SMC5: variants seen among roughly 807,000 people sequenced by gnomAD.
The protein encoded by SMC5 is structural maintenance of chromosomes 5, also known as structural maintenance of chromosomes protein 5.
Under a neutral mutation model 148.3 loss-of-function variants are expected in SMC5, and 88 were observed. The ratio of observed to expected loss-of-function variants is 0.59; its 90% CI spans 0.50 to 0.71. The LOEUF is 0.71. Ranked by LOEUF, SMC5 falls within the 30% of genes least tolerant of loss-of-function variation. SMC5 has a pLI of 0.00. For synonymous variants in SMC5, 421 were observed against 432.8 expected (o/e 0.97, Z 0.34); for missense variants, 1,142 against 1,298.9 (o/e 0.88, Z 1.86).
intron 8 of SMC5, among the ~76,000 whole-genome samples, chr9:70,287,682 T>A (rs117096084): frequency 6.6e-6 from 1 of 152,316 alleles, no homozygotes; most frequent in East Asian, 1.9e-4. Flanking sequence ...TAACCACAAA[T>A]GTTCACAGAA....
At chr9:70,331,858 G>A (rs2036227605) in intron 17 of SMC5, among the ~76,000 whole-genome samples, 1 of 152,098 alleles carries the variant, frequency 6.6e-6, no homozygotes, top group African/African-American at 2.4e-5. Flanking sequence ...TGGACAACAG[G>A]CAGCACAGGA....
chr9:70,291,979 A>G (rs2035075275), intron 8 of SMC5, among the ~76,000 whole-genome samples: 1 of 152,164 alleles, frequency 6.6e-6, no homozygotes, highest in Non-Finnish European at 1.5e-5. Context: ...CAATGGGTTT[A>G]GGAATGAAGC....
chr9:70,305,446 A>T (rs1275390038), intron 11 of SMC5, 86 bp downstream of exon 11: 2 of 778,820 alleles, frequency 2.6e-6, no homozygotes, highest in Middle Eastern at 2.3e-4. Flanking sequence ...GCAAAATGTG[A>T]TAGCTAATTT....
chr9:70,343,147 C>CT (rs11438728), intron 17 of SMC5, among the ~76,000 whole-genome samples: 29,777 of 141,448 alleles, frequency 0.21, 3,009 homozygotes, highest in African/African-American at 0.25. Flanking sequence ...CTTTCAGTCT[C>CT]TTTTTTTTTT....
chr9:70,333,464 C>T (rs1438860400), intron 17 of SMC5, among the ~76,000 whole-genome samples: 1 of 152,054 alleles, frequency 6.6e-6, no homozygotes, highest in Non-Finnish European at 1.5e-5. Flanking sequence ...GGGGATAAAA[C>T]CCTGTCATTA....
intron 8 of SMC5, among the ~76,000 whole-genome samples, chr9:70,293,916 A>G (rs1385285599): frequency 2.0e-5 from 3 of 152,172 alleles, no homozygotes; most frequent in African/African-American, 7.2e-5. Flanking sequence ...GTAATTAATA[A>G]AAGTTGACTT....
chr9:70,337,736 G>T (rs1189955473), intron 17 of SMC5, among the ~76,000 whole-genome samples: 1 of 151,820 alleles, frequency 6.6e-6, no homozygotes, highest in Non-Finnish European at 1.5e-5. Context: ...GATTACAGGT[G>T]TGAGCCACTA....
intron 17 of SMC5, among the ~76,000 whole-genome samples, chr9:70,333,205 G>A (rs567011688): frequency 6.6e-6 from 1 of 152,334 alleles, no homozygotes; most frequent in African/African-American, 2.4e-5. Context: ...TAGCAAGATT[G>A]TAGGAGATAA....
At chr9:70,348,071 G>A in intron 22 of SMC5, 33 bp downstream of exon 22, 4 of 1,480,954 alleles carry the variant, frequency 2.7e-6, no homozygotes, top group African/African-American at 1.5e-5. Context: ...TAATATTTCT[G>A]GCAAATAATT....
In SMC5 at chr9:70,258,991, G is replaced by T; in HGVS notation, c.-88G>T. The T allele has an allele frequency of 7.0e-7, 1 of 1,428,022 alleles. No individual in the cohort carries two copies. Among genetic ancestry groups the T allele is most frequent in the Non-Finnish European group, 9.3e-7 (1 of 1,078,464 alleles). The allele number at this position is 1,428,022 out of a possible 1,614,324, so 88.5% of individuals were successfully genotyped here. On this transcript the variant is annotated 5_prime_UTR_variant, in exon 1 of 25. Transcript: ENST00000361138. ...ACAGTTCGCGGCAGTTCGCGCGGGA[G>T]CGGGGCGCCTGGGTGGATGGGCGCT... is the stretch of plus-strand genomic sequence containing the variant.
At chr9:70,334,483 A>G (rs924792110) in intron 17 of SMC5, among the ~76,000 whole-genome samples, 2 of 152,212 alleles carry the variant, frequency 1.3e-5, no homozygotes, top group Non-Finnish European at 2.9e-5. Context: ...CTGGGAGAAT[A>G]TATTTGCAGT....
chr9:70,259,946 C>CT (rs2034053299), intron 1 of SMC5, among the ~76,000 whole-genome samples: 1 of 129,538 alleles, frequency 7.7e-6, no homozygotes. Flanking sequence ...TTTTTTTTTC[C>CT]TCTTTTTTTT....
At position 70,286,263 on chromosome 9, in the gene SMC5, G is replaced by C. The variant is rs2034899390; in HGVS notation, c.1045G>C (p.Asp349His). 1 of 1,582,286 alleles carries C rather than the reference G, an allele frequency of 6.3e-7. No individual in the cohort carries two copies. The highest frequency in any genetic ancestry group is 8.6e-7 in the Non-Finnish European group (1 of 1,162,148). ...GAAGCAAGATGTTATAGAAAGGAAA[G>C]ATAAACATGTAAGGTTTCATACTAA... ...KQKQDVIERKDKHIEELQQAL... is the reference protein window; with the variant it reads ...KQKQDVIERKHKHIEELQQAL... The change falls in exon 8 of 25, where the codon GAT becomes CAT. Residue 349 changes from aspartate to histidine, a missense_variant. Asp to His is a moderately conservative substitution (Grantham distance 81, BLOSUM62 -1). This residue lies in a region of SMC5 where 743 missense variants were observed against 835.7 expected (regional missense o/e 0.89). Transcript: ENST00000361138.
chr9:70,327,552 T>C (rs535764769), intron 17 of SMC5, among the ~76,000 whole-genome samples: 2 of 152,318 alleles, frequency 1.3e-5, no homozygotes, highest in African/African-American at 4.8e-5. Context: ...CTTTGGAGGA[T>C]ACTGGGGAAC....
intron 12 of SMC5, 101 bp downstream of exon 12, chr9:70,314,937 T>A: frequency 1.3e-6 from 1 of 744,688 alleles, no homozygotes; most frequent in Non-Finnish European, 2.0e-6. Flanking sequence ...CCTTTTAAGA[T>A]CTCTTAAGTC....
intron 23 of SMC5, 22 bp downstream of exon 23, chr9:70,350,315 T>A: frequency 6.2e-7 from 1 of 1,611,424 alleles, no homozygotes; most frequent in Non-Finnish European, 8.5e-7. Context: ...GTTCTGTTAC[T>A]TGGATCTTCT....
intron 22 of SMC5, among the ~76,000 whole-genome samples, chr9:70,348,340 A>C (rs1325760900): frequency 6.6e-6 from 1 of 152,126 alleles, no homozygotes; most frequent in Admixed American, 6.5e-5. Flanking sequence ...TAGAAGACTC[A>C]AACAGATTAG....
intron 6 of SMC5, 142 bp downstream of exon 6, chr9:70,281,041 G>GT: frequency 6.0e-6 from 5 of 839,422 alleles, no homozygotes; most frequent in East Asian, 2.9e-5. Flanking sequence ...TAAAATTCAT[G>GT]TCTTTTTTTT....
intron 11 of SMC5, among the ~76,000 whole-genome samples, chr9:70,312,300 G>C (rs1158664969): frequency 2.0e-5 from 3 of 151,880 alleles, no homozygotes; most frequent in Non-Finnish European, 4.4e-5. Flanking sequence ...AGAGAGAGTG[G>C]GCAGGGAACT....
Sources: gnomAD v4.1 joint callset for allele counts (sites outside exome capture counted in the v4.1 genomes callset) on GRCh38, gnomAD v4.1.1 for gene constraint, gnomAD v4.1.1 regional missense constraint, MANE v1.5 for transcripts, NCBI Gene and HGNC (gene_info 2026-07-23, HGNC 2026-07-21) for gene names.